The following CLRN1 variants were observed in gnomAD, a reference collection of about 807,000 sequenced individuals.
The protein encoded by CLRN1 is clarin-1.
CLRN1 carries 15 observed loss-of-function variants against 18.7 expected under a neutral mutation model. The ratio of observed to expected loss-of-function variants is 0.80; its 90% CI spans 0.54 to 1.23. CLRN1 has a LOEUF of 1.23. Among genes scored for constraint, CLRN1 ranks in the 50% most tolerant of loss-of-function variants. The pLI is 0.00. For synonymous variants in CLRN1, 104 were observed against 102.9 expected (o/e 1.01, Z -0.07); for missense variants, 311 against 277.5 (o/e 1.12, Z -0.86).
intron 1 of CLRN1, among the ~76,000 whole-genome samples, chr3:150,969,724 C>T (rs2107992742): frequency 6.6e-6 from 1 of 152,084 alleles, no homozygotes; most frequent in Admixed American, 6.6e-5. Flanking sequence ...AATATAAATT[C>T]CTATTAATTG....
intron 1 of CLRN1, among the ~76,000 whole-genome samples, chr3:150,963,172 C>T (rs1186248823): frequency 6.6e-6 from 1 of 152,204 alleles, no homozygotes; most frequent in Non-Finnish European, 1.5e-5. Flanking sequence ...ACCCTGTCGT[C>T]TCAGCCCAAA....
At chr3:150,972,181 A>T (rs1391618832) in intron 1 of CLRN1, among the ~76,000 whole-genome samples, 1 of 152,196 alleles carries the variant, frequency 6.6e-6, no homozygotes. Flanking sequence ...ATAATTTTTT[A>T]CATAAATATT....
At chr3:150,947,347 A>G (rs1458094577) in intron 1 of CLRN1, among the ~76,000 whole-genome samples, 1 of 152,232 alleles carries the variant, frequency 6.6e-6, no homozygotes, top group African/African-American at 2.4e-5. Flanking sequence ...CAATTCAACA[A>G]GAAGATCTAA....
rs760606774 is a variant in CLRN1 at position 150,972,559 on chromosome 3, T to C, written c.150A>G (p.Ser50=). 1.2e-6 allele frequency: 2 copies of C among 1,614,114 alleles called. No individual in the cohort carries two copies. Among genetic ancestry groups the C allele is most frequent in the African/African-American group, 2.7e-5 (2 of 74,934 alleles). ...CCATAAACTTGTCCAGCTCCTGCCC[T>C]GAGGCATTGACGAGCAGAGCTCCCG... ...CKTGALLVNA[S]GQELDKFMGE... Residue 50 remains serine (S), a synonymous_variant, in exon 1 of 3, where the codon TCA becomes TCG. Coordinates refer to ENST00000327047, the MANE Select transcript of CLRN1 (RefSeq NM_174878.3).
intron 1 of CLRN1, among the ~76,000 whole-genome samples, chr3:150,943,058 A>G (rs575934216): frequency 1.6e-4 from 24 of 152,302 alleles, no homozygotes; most frequent in Admixed American, 3.3e-4. Context: ...TGTAACTGCA[A>G]CAGTTAGGAG....
At chr3:150,953,428 C>T (rs1329201774) in intron 1 of CLRN1, among the ~76,000 whole-genome samples, 1 of 152,108 alleles carries the variant, frequency 6.6e-6, no homozygotes, top group Non-Finnish European at 1.5e-5. Context: ...CCCCTAATTG[C>T]CCTTTTCTCT....
chr3:150,941,548 A>G, intron 2 of CLRN1, 34 bp downstream of exon 2: 1 of 1,606,854 alleles, frequency 6.2e-7, no homozygotes. Context: ...ATTGAAAAGC[A>G]CATTTGTCTT....
At chr3:150,932,009 A>G (rs1237484543) in intron 2 of CLRN1, among the ~76,000 whole-genome samples, 1 of 151,314 alleles carries the variant, frequency 6.6e-6, no homozygotes, top group Non-Finnish European at 1.5e-5. Context: ...TTTTCCTTTC[A>G]TCTGTCTGAT....
At position 150,940,588 on chromosome 3, in the gene CLRN1, C is replaced by T. The variant is rs903172463; in HGVS notation, c.433+994G>A. On this transcript the variant is annotated intron_variant, in intron 2 of 2. Transcript: ENST00000327047. ...TTGTTTGCTTTGTGTGAGTTGTTAT[C>T]GTTCTGTATCCCTCCATGAAACCAT... 6.6e-5 allele frequency: 92 copies of T among 1,393,334 alleles called. No homozygotes were observed. The African/African-American group carries it at 7.0e-4, about 11-fold the overall frequency. 86.3% of individuals were successfully genotyped at this position (1,393,334 alleles called of 1,614,324 possible).
rs114871519 is a variant in CLRN1, at chr3:150,958,856, A to C, written c.253+13600T>G. Among the ~76,000 whole-genome samples, 482 of 152,322 alleles carry C rather than the reference A, an allele frequency of 3.2e-3. 3 individuals are homozygous for C. The highest frequency in any genetic ancestry group is 0.011 in the African/African-American group (453 of 41,570). The stretch of plus-strand genomic sequence containing the variant: ...TGTAACAAGCCTTGGCCAATAAAAT[A>C]TAAGTGGAGGTGGCATGTGTCAGTT... On this transcript the variant is annotated intron_variant, in intron 1 of 2. Coordinates refer to ENST00000327047, the MANE Select transcript of CLRN1 (RefSeq NM_174878.3).
chr3:150,948,111 G>T (rs952909627), intron 1 of CLRN1, among the ~76,000 whole-genome samples: 2 of 152,100 alleles, frequency 1.3e-5, no homozygotes, highest in African/African-American at 4.8e-5. Flanking sequence ...CCAGGAGCTG[G>T]TTTTTTGAAA....
chr3:150,941,573 T>G lies in CLRN1; in HGVS notation c.433+9A>C, dbSNP rs1345962111. ...ACATTTGTCTTCAGAGGTAGAATTTTGTACTTACCTGAAATGAAGCTCAAA... is the reference window on the plus strand; with the variant it reads ...ACATTTGTCTTCAGAGGTAGAATTTGGTACTTACCTGAAATGAAGCTCAAA... On this transcript the variant is annotated intron_variant, in intron 2 of 2. Coordinates refer to ENST00000327047, the MANE Select transcript of CLRN1 (RefSeq NM_174878.3). 4.3e-6 allele frequency: 7 copies of G among 1,613,874 alleles called. No individual in the cohort carries two copies. Among genetic ancestry groups the G allele is most frequent in the Non-Finnish European group, 5.9e-6 (7 of 1,179,776 alleles).
intron 1 of CLRN1, among the ~76,000 whole-genome samples, chr3:150,945,050 G>C (rs1048785605): frequency 6.6e-6 from 1 of 152,162 alleles, no homozygotes; most frequent in Non-Finnish European, 1.5e-5. Flanking sequence ...AAAAGGTAAG[G>C]TGGTAGTCAC....
At chr3:150,940,545 A>T (rs552867572) in intron 2 of CLRN1, 1 of 1,533,116 alleles carries the variant, frequency 6.5e-7, no homozygotes, top group East Asian at 2.4e-5. Flanking sequence ...AAACAGTCGA[A>T]TAGAGATTTT....
intron 1 of CLRN1, among the ~76,000 whole-genome samples, chr3:150,968,659 G>A (rs561823448): frequency 1.3e-5 from 2 of 152,256 alleles, no homozygotes; most frequent in African/African-American, 2.4e-5. Flanking sequence ...ATATATCTGG[G>A]TTTTAAAAGT....
chr3:150,967,580 C>T (rs1715323157), intron 1 of CLRN1, among the ~76,000 whole-genome samples: 1 of 152,174 alleles, frequency 6.6e-6, no homozygotes, highest in Non-Finnish European at 1.5e-5. Flanking sequence ...TCATAGGCTT[C>T]CCCTTTACAC....
At chr3:150,935,631 A>C (rs1410125884) in intron 2 of CLRN1, among the ~76,000 whole-genome samples, 1 of 150,990 alleles carries the variant, frequency 6.6e-6, no homozygotes, top group Non-Finnish European at 1.5e-5. Flanking sequence ...TTATAGCAGC[A>C]TGATTTATAG....
chr3:150,928,558 CT>C (rs542081466), intron 2 of CLRN1, among the ~76,000 whole-genome samples: 185 of 152,292 alleles, frequency 1.2e-3, no homozygotes, highest in African/African-American at 3.9e-3. Context: ...TGGAATCAGG[CT>C]ACAAAGCAGC....
chr3:150,941,816 A>G, intron 1 of CLRN1, 55 bp from the exon 2 acceptor site: 2 of 1,465,172 alleles, frequency 1.4e-6, no homozygotes, highest in Middle Eastern at 1.7e-4. Flanking sequence ...GTAGTCTGCA[A>G]GTATAATTTT....
Sources: allele counts gnomAD v4.1 joint callset (sites outside exome capture counted in the v4.1 genomes callset), GRCh38; gene constraint gnomAD v4.1.1; transcripts MANE v1.5; gene names NCBI Gene and HGNC (gene_info 2026-07-23, HGNC 2026-07-21).